Variants in MGAT3 observed in about 807,000 individuals in gnomAD.
MGAT3 encodes GlcNAc-T III.
In MGAT3, 9 loss-of-function variants were observed where a neutral mutation model predicts 29.8. The ratio of observed to expected loss-of-function variants is 0.30; its 90% CI spans 0.18 to 0.53. MGAT3 has a LOEUF of 0.53. Among genes scored for constraint, MGAT3 ranks in the 20% least tolerant of loss-of-function variants. The pLI, the probability that MGAT3 is intolerant of heterozygous loss-of-function variation, is 0.96. For synonymous variants in MGAT3, 397 were observed against 348.9 expected, an observed-to-expected ratio of 1.14 and a Z score of -1.54; for missense variants, 557 against 769.5, an observed-to-expected ratio of 0.72 and a Z score of 3.27.
At chr22:39,480,668 G>GA (rs1161591769) in intron 1 of MGAT3, among the ~76,000 whole-genome samples, 4 of 152,332 alleles carry the variant, frequency 2.6e-5, no homozygotes, top group African/African-American at 9.6e-5. Flanking sequence ...CCTTGGCCAT[G>GA]TCCTTCACGC....
intron 1 of MGAT3, among the ~76,000 whole-genome samples, chr22:39,459,211 C>G (rs2074912351): frequency 6.6e-6 from 1 of 151,942 alleles, no homozygotes; most frequent in African/African-American, 2.4e-5. Context: ...GTAGCTGGGA[C>G]CACAGGTGCC....
At chr22:39,467,953 C>T (rs1928704098) in intron 1 of MGAT3, among the ~76,000 whole-genome samples, 1 of 151,946 alleles carries the variant, frequency 6.6e-6, no homozygotes, top group African/African-American at 2.4e-5. Flanking sequence ...CCACCCTCAC[C>T]TTGATGAGCA....
In MGAT3 at chr22:39,487,629, C is replaced by T; in HGVS notation, c.282C>T (p.His94=). The T allele has an allele frequency of 1.2e-6, 2 of 1,611,678 alleles. No homozygotes were observed. ...CCAGCAAGGCGGCCGAGGAGCTCCA[C>T]CGGGTGGACTTGGTGCTGCCCGAGG... ...LPPSKAAEEL[H]RVDLVLPEDT... The change falls in exon 2 of 2, where the codon CAC becomes CAT. Residue 94 remains histidine (H), a synonymous_variant. Coordinates refer to ENST00000341184, the MANE Select transcript of MGAT3 (RefSeq NM_002409.5). This position sits in a 1 kb window ranked among gnomAD's most constrained non-coding sequence, Gnocchi z 5.7.
chr22:39,489,237 G>A lies in MGAT3; in HGVS notation c.*288G>A, dbSNP rs920747127. The A allele has an allele frequency of 2.0e-6, 1 of 487,830 alleles. No homozygotes were observed. Among genetic ancestry groups the A allele is most frequent in the Non-Finnish European group, 3.8e-6 (1 of 266,512 alleles). The allele number at this position is 487,830 out of a possible 1,614,324, so 30.2% of individuals were successfully genotyped here. ...GAGGTGCCACTGGAGTGTGCGTGGTGGTCCCTGGGTAGCGGGGGAGGGTAG... is the reference window on the plus strand; with the variant it reads ...GAGGTGCCACTGGAGTGTGCGTGGTAGTCCCTGGGTAGCGGGGGAGGGTAG... On this transcript the variant is annotated 3_prime_UTR_variant, in exon 2 of 2. Coordinates refer to ENST00000341184, the MANE Select transcript of MGAT3 (RefSeq NM_002409.5).
At chr22:39,482,531 G>A (rs1241540700) in intron 1 of MGAT3, among the ~76,000 whole-genome samples, 1 of 152,200 alleles carries the variant, frequency 6.6e-6, no homozygotes, top group Non-Finnish European at 1.5e-5. Context: ...TTCTCCATCT[G>A]TTAAAACAGG....
At position 39,488,444 on chromosome 22, in the gene MGAT3, C is replaced by T. The variant is rs1263828337; in HGVS notation, c.1097C>T (p.Thr366Met). 1.9e-6 allele frequency: 3 copies of T among 1,612,882 alleles called. No individual in the cohort carries two copies. Among genetic ancestry groups the T allele is most frequent in the Non-Finnish European group, 1.7e-6 (2 of 1,180,022 alleles). The change falls in exon 2 of 2, where the codon ACG becomes ATG. Residue 366 changes from threonine to methionine, a missense_variant. Around this residue, in one of 3 missense-constraint regions of MGAT3, gnomAD observed 243 missense variants for 444.0 expected, o/e 0.55. Coordinates refer to ENST00000341184, the MANE Select transcript of MGAT3 (RefSeq NM_002409.5). ...ACCCTGGAGGTGGTGTCAGGCTGCA[C>T]GGTGGACATGCTGCAGGCAGTGTAT... ...PGTLEVVSGCTVDMLQAVYGL... is the reference protein window; with the variant it reads ...PGTLEVVSGCMVDMLQAVYGL...
In MGAT3 at chr22:39,489,354, G is replaced by A. The variant is rs557552376; in HGVS notation, c.*405G>A. On this transcript the variant is annotated 3_prime_UTR_variant, in exon 2 of 2. Coordinates refer to ENST00000341184, the MANE Select transcript of MGAT3 (RefSeq NM_002409.5). ...AAAAGCCCACCATTTGGCATCCCTG[G>A]GCCTTGGGCTCCGTGTGGGAGACCG... is the stretch of plus-strand genomic sequence containing the variant. 53 of 244,790 alleles carry A rather than the reference G, an allele frequency of 2.2e-4. No homozygotes were observed. Among genetic ancestry groups the A allele is most frequent in the Non-Finnish European group, 3.4e-4 (39 of 116,346 alleles). 15.2% of individuals were successfully genotyped at this position (244,790 alleles called of 1,614,324 possible).
intron 1 of MGAT3, among the ~76,000 whole-genome samples, chr22:39,474,334 TG>T (rs1283429305): frequency 6.6e-6 from 1 of 151,946 alleles, no homozygotes; most frequent in African/African-American, 2.4e-5. Flanking sequence ...CTGATGGCAG[TG>T]GGGGTGAGAG....
chr22:39,478,644 G>A (rs965570317), intron 1 of MGAT3, among the ~76,000 whole-genome samples: 3 of 152,152 alleles, frequency 2.0e-5, no homozygotes, highest in East Asian at 1.9e-4. Context: ...TTCACCAAGC[G>A]ACAGCTGTCA....
chr22:39,473,959 G>A (rs749129321), intron 1 of MGAT3, among the ~76,000 whole-genome samples: 2 of 152,026 alleles, frequency 1.3e-5, no homozygotes, highest in African/African-American at 2.4e-5. Context: ...CAGGGCCTCC[G>A]GAGCCTCCTG....
intron 1 of MGAT3, among the ~76,000 whole-genome samples, chr22:39,480,403 C>T (rs1178239048): frequency 2.0e-5 from 3 of 152,210 alleles, no homozygotes; most frequent in African/African-American, 4.8e-5. Flanking sequence ...GTCCTAACCA[C>T]AGTGACCCTC....
At chr22:39,473,917 C>G (rs1437806453) in intron 1 of MGAT3, among the ~76,000 whole-genome samples, 1 of 152,040 alleles carries the variant, frequency 6.6e-6, no homozygotes, top group African/African-American at 2.4e-5. Context: ...CAGGGTAGAT[C>G]AGGGCAAGGT....
In MGAT3 at chr22:39,488,523, C is replaced by A. The variant is rs765605531; in HGVS notation, c.1176C>A (p.Phe392Leu). ...RRRQYYTMPN[F>L]RQYENRTGHI... ...GCCAGTACTACACCATGCCCAACTT[C>A]AGACAGTATGAGAACCGCACCGGCC... Residue 392 changes from phenylalanine to leucine, a missense_variant, in exon 2 of 2, where the codon TTC becomes TTA. By Grantham distance (22) the Phe-to-Leu change is conservative. Coordinates refer to ENST00000341184, the MANE Select transcript of MGAT3 (RefSeq NM_002409.5). The A allele has an allele frequency of 9.9e-6, 16 of 1,613,282 alleles. No homozygotes were observed. The highest frequency in any genetic ancestry group is 1.2e-5 in the Non-Finnish European group (14 of 1,180,026).
In MGAT3 at chr22:39,457,272, C is replaced by T. The variant is rs1928355981; in HGVS notation, c.-287C>T. 1 of 145,232 alleles carries T rather than the reference C, an allele frequency of 6.9e-6. No individual in the cohort carries two copies. The highest frequency in any genetic ancestry group is 2.5e-5 in the African/African-American group (1 of 40,544). The allele number at this position is 145,232 out of a possible 1,614,324, so 9.0% of individuals were successfully genotyped here. The stretch of plus-strand genomic sequence containing the variant: ...CGCGCGCCCGCCGCGGTCCCTCCCC[C>T]GCGCCCGTCCGCTCGCCGGGCCCCC... On this transcript the variant is annotated 5_prime_UTR_variant, in exon 1 of 2. Transcript: ENST00000341184. This position sits in a 1 kb window ranked among gnomAD's most constrained non-coding sequence, Gnocchi z 6.8.
intron 1 of MGAT3, among the ~76,000 whole-genome samples, chr22:39,479,538 C>T (rs1929064394): frequency 6.6e-6 from 1 of 152,230 alleles, no homozygotes; most frequent in Admixed American, 6.5e-5. Flanking sequence ...ACAGCACCCA[C>T]CTAGGCTTAG....
chr22:39,468,980 C>G (rs1696748726), intron 1 of MGAT3, among the ~76,000 whole-genome samples: 1 of 151,986 alleles, frequency 6.6e-6, no homozygotes, highest in Non-Finnish European at 1.5e-5. Flanking sequence ...GGGGCAGCAT[C>G]AGATGTGGCT....
In MGAT3 at chr22:39,490,121, C is replaced by G. The variant is rs1434237402; in HGVS notation, c.*1172C>G. 1 of 167,150 alleles carries G rather than the reference C, an allele frequency of 6.0e-6. No individual in the cohort carries two copies. The highest frequency in any genetic ancestry group is 1.5e-5 in the Non-Finnish European group (1 of 68,128). The allele number at this position is 167,150 out of a possible 1,614,324, so 10.4% of individuals were successfully genotyped here. A position where few individuals can be genotyped will look rare whatever the true frequency, so the allele number is the denominator to read the frequency against. On this transcript the variant is annotated 3_prime_UTR_variant, in exon 2 of 2. Transcript: ENST00000341184. ...AGATGGAAGCTTGTTTCTAATTAGT[C>G]TAGATTGAGATGGCCCAGAGCTGGT...
intron 1 of MGAT3, among the ~76,000 whole-genome samples, chr22:39,474,696 A>G (rs1235339162): frequency 6.6e-6 from 1 of 152,206 alleles, no homozygotes; most frequent in African/African-American, 2.4e-5. Flanking sequence ...TGTGCCTGAA[A>G]TGCCACCAGC....
intron 1 of MGAT3, among the ~76,000 whole-genome samples, chr22:39,484,872 A>G (rs1929227073): frequency 6.6e-6 from 1 of 151,990 alleles, no homozygotes; most frequent in African/African-American, 2.4e-5. Flanking sequence ...GCATGGTGGC[A>G]CACGCCTGTA....
Sources: gnomAD v4.1 joint callset for allele counts (sites outside exome capture counted in the v4.1 genomes callset) on GRCh38, gnomAD v4.1.1 for gene constraint, gnomAD v4.1.1 regional missense constraint, Gnocchi (gnomAD v3.1) non-coding constraint, MANE v1.5 for transcripts, NCBI Gene and HGNC (gene_info 2026-07-23, HGNC 2026-07-21) for gene names.